Variants in KCNQ3 observed in about 807,000 individuals in gnomAD.
KCNQ3 encodes the protein potassium voltage-gated channel subfamily Q member 3, also known as potassium voltage-gated channel subfamily KQT member 3.
A neutral mutation model predicts 92.5 loss-of-function variants in KCNQ3; 30 were observed. The observed-to-expected ratio is 0.32, with a 90% CI of 0.24 to 0.44. The LOEUF is 0.44. KCNQ3 is among the 20% of genes least tolerant of loss of function. KCNQ3 has a pLI of 1.00. For synonymous variants in KCNQ3, 450 were observed against 468.8 expected (o/e 0.96, Z 0.52); for missense variants, 913 against 1,140.3 (o/e 0.80, Z 2.87).
chr8:132,301,802 G>C (rs1225299893), intron 1 of KCNQ3, among the ~76,000 whole-genome samples: 6 of 152,180 alleles, frequency 3.9e-5, no homozygotes, highest in African/African-American at 1.4e-4. Context: ...TTGAGACTGA[G>C]ACTGCTGTGA....
chr8:132,342,579 T>A (rs567849423), intron 1 of KCNQ3, among the ~76,000 whole-genome samples: 1 of 152,318 alleles, frequency 6.6e-6, no homozygotes, highest in South Asian at 2.1e-4. Flanking sequence ...TGATAAATTA[T>A]CATCCCTACT....
chr8:132,352,621 G>A (rs1263157925), intron 1 of KCNQ3, among the ~76,000 whole-genome samples: 1 of 152,198 alleles, frequency 6.6e-6, no homozygotes, highest in Non-Finnish European at 1.5e-5. Context: ...GGACCGCAAG[G>A]TGGCACAAGT....
At chr8:132,360,207 T>C (rs962622041) in intron 1 of KCNQ3, among the ~76,000 whole-genome samples, 2 of 152,252 alleles carry the variant, frequency 1.3e-5, no homozygotes, top group South Asian at 2.1e-4. Context: ...CTGTCTCTCC[T>C]CCCCATTGCT....
intron 1 of KCNQ3, among the ~76,000 whole-genome samples, chr8:132,216,772 A>G (rs1442367899): frequency 6.6e-6 from 1 of 152,160 alleles, no homozygotes; most frequent in Non-Finnish European, 1.5e-5. Flanking sequence ...TTATTAGCTC[A>G]TAGTCCTCTC....
At chr8:132,393,045 G>A (rs575745706) in intron 1 of KCNQ3, among the ~76,000 whole-genome samples, 5 of 152,150 alleles carry the variant, frequency 3.3e-5, no homozygotes, top group African/African-American at 1.2e-4. Context: ...CACACAGTAG[G>A]TACTTTAAAA....
At chr8:132,316,226 G>A (rs1817738297) in intron 1 of KCNQ3, among the ~76,000 whole-genome samples, 1 of 151,984 alleles carries the variant, frequency 6.6e-6, no homozygotes, top group African/African-American at 2.4e-5. Context: ...AGCTCTCTTG[G>A]CATCATTCTG....
Position 132,121,700 on chromosome 8 carries a change from C to G in KCNQ3, c.*7562G>C, listed in dbSNP as rs1824474000. ...AGACTCACCTGTTTCTGCAGAATTT[C>G]AGAGCTCAGAAATAAAGGTACAGTC... On this transcript the variant is annotated 3_prime_UTR_variant, in exon 15 of 15. Coordinates refer to ENST00000388996, the MANE Select transcript of KCNQ3 (RefSeq NM_004519.4). 1 of 152,124 alleles carries G rather than the reference C, an allele frequency of 6.6e-6. No individual in the cohort carries two copies. The highest frequency in any genetic ancestry group is 1.5e-5 in the Non-Finnish European group (1 of 68,036). 9.4% of individuals were successfully genotyped at this position (152,124 alleles called of 1,614,324 possible).
At chr8:132,263,119 C>A (rs1244967370) in intron 1 of KCNQ3, among the ~76,000 whole-genome samples, 3 of 151,958 alleles carry the variant, frequency 2.0e-5, no homozygotes, top group Non-Finnish European at 4.4e-5. Context: ...ATTAAGCTGG[C>A]GTCACACACT....
chr8:132,187,859 TGGTGGTGGTGGTGA>T (rs1827040130), intron 1 of KCNQ3, among the ~76,000 whole-genome samples: 3 of 105,116 alleles, frequency 2.9e-5, no homozygotes, highest in African/African-American at 5.0e-5. Flanking sequence ...GTAGTGATGG[TGGTGGTGGTGGTGA>T]TAGTGATGGT....
intron 1 of KCNQ3, among the ~76,000 whole-genome samples, chr8:132,426,445 A>C (rs898021782): frequency 4.6e-5 from 7 of 152,194 alleles, no homozygotes; most frequent in African/African-American, 1.7e-4. Context: ...CCTGCCTCTC[A>C]CAGCCTGGTT....
At chr8:132,349,242 GC>G (rs1196759605) in intron 1 of KCNQ3, among the ~76,000 whole-genome samples, 1 of 152,186 alleles carries the variant, frequency 6.6e-6, no homozygotes, top group Admixed American at 6.5e-5. Context: ...AGCATGTGTG[GC>G]TAAGTACCCT....
intron 1 of KCNQ3, among the ~76,000 whole-genome samples, chr8:132,352,092 C>T (rs186048026): frequency 6.6e-6 from 1 of 152,258 alleles, no homozygotes; most frequent in African/African-American, 2.4e-5. Flanking sequence ...AAATCCCATG[C>T]ATTGTGAGGG....
At chr8:132,473,088 T>C (rs998845492) in intron 1 of KCNQ3, among the ~76,000 whole-genome samples, 4 of 152,106 alleles carry the variant, frequency 2.6e-5, no homozygotes, top group African/African-American at 7.2e-5. Context: ...GAATGACAAC[T>C]TATCAAAATC....
intron 1 of KCNQ3, among the ~76,000 whole-genome samples, chr8:132,457,263 C>T (rs1821963665): frequency 6.6e-6 from 1 of 152,202 alleles, no homozygotes; most frequent in South Asian, 2.1e-4. Context: ...CAGTCCTATC[C>T]ATAATAGCTT....
At chr8:132,312,425 G>A (rs1459571482) in intron 1 of KCNQ3, among the ~76,000 whole-genome samples, 1 of 152,082 alleles carries the variant, frequency 6.6e-6, no homozygotes, top group African/African-American at 2.4e-5. Flanking sequence ...TATGTCTGGG[G>A]GATGCAGCTA....
intron 1 of KCNQ3, among the ~76,000 whole-genome samples, chr8:132,279,128 GA>G (rs755391799): frequency 1.3e-5 from 2 of 152,274 alleles, no homozygotes; most frequent in Non-Finnish European, 2.9e-5. Flanking sequence ...TCAGGCAGGA[GA>G]ATTGCTTGAA....
chr8:132,188,957 A>T (rs1392412249), intron 1 of KCNQ3, among the ~76,000 whole-genome samples: 2 of 152,184 alleles, frequency 1.3e-5, no homozygotes, highest in Non-Finnish European at 2.9e-5. Flanking sequence ...CATGAACAAC[A>T]TGTACACGTG....
chr8:132,428,313 C>G (rs983105877), intron 1 of KCNQ3, among the ~76,000 whole-genome samples: 1 of 152,212 alleles, frequency 6.6e-6, no homozygotes, highest in Non-Finnish European at 1.5e-5. Context: ...TTAAAGAAGT[C>G]TTTTCCAACA....
chr8:132,303,677 T>TATACACACACAC lies in KCNQ3; in HGVS notation c.387-117497_387-117496insGTGTGTGTGTAT, dbSNP rs376933089. On this transcript the variant is annotated intron_variant, in intron 1 of 14. Transcript: ENST00000388996. ...TTTATGGTGTGTGTGTATATATATA[T>TATACACACACAC]ACACACACACAGCCACACCACACAC... is the stretch of plus-strand genomic sequence containing the variant. Among the ~76,000 whole-genome samples the TATACACACACAC allele has an allele frequency of 1.4e-3, 124 of 85,986 alleles. 2 individuals are homozygous for TATACACACACAC. The highest frequency in any genetic ancestry group is 1.5e-3 in the Non-Finnish European group (68 of 45,532). 56.4% of individuals were successfully genotyped at this position (85,986 alleles called of 152,430 possible). A position where few individuals can be genotyped will look rare whatever the true frequency, so the allele number is the denominator to read the frequency against.
Sources: gnomAD v4.1 joint callset for allele counts (sites outside exome capture counted in the v4.1 genomes callset) on GRCh38, gnomAD v4.1.1 for gene constraint, MANE v1.5 for transcripts, NCBI Gene and HGNC (gene_info 2026-07-23, HGNC 2026-07-21) for gene names.